Variants in PRKN observed in about 807,000 individuals in gnomAD.
PRKN encodes the protein E3 ubiquitin-protein ligase parkin.
A neutral mutation model predicts 59.5 loss-of-function variants in PRKN; 56 were observed. The observed-to-expected ratio is 0.94, with a 90% CI of 0.76 to 1.18. The LOEUF (loss-of-function observed/expected upper bound fraction) is 1.18, where lower values mean the gene tolerates loss of function less well. PRKN is among the 50% of genes most tolerant of loss of function. The pLI is 0.00. For missense variants in PRKN, 657 were observed against 596.4 expected (o/e 1.10, Z -1.06); for synonymous variants, 250 against 222.1 (o/e 1.13, Z -1.12).
chr6:161,533,234 T>G lies in PRKN; in HGVS notation c.1083+15620A>C, dbSNP rs2115389738. 6.6e-6 allele frequency among the ~76,000 whole-genome samples: 1 copy of G among 152,286 alleles called. No individual in the cohort carries two copies. Among genetic ancestry groups the G allele is most frequent in the African/African-American group, 2.4e-5 (1 of 41,560 alleles). On this transcript the variant is annotated intron_variant, in intron 9 of 11. Transcript: ENST00000366898. The surrounding 1 kb of genome is among the most constrained non-coding windows in gnomAD (Gnocchi z 4.1). ...TACAAAACTAAAATTCTTAAAATAA[T>G]TTCTGAAAAACTAGTGATACAGGAG...
chr6:162,008,608 C>T (rs1782354955), intron 5 of PRKN, among the ~76,000 whole-genome samples: 1 of 152,086 alleles, frequency 6.6e-6, no homozygotes, highest in Admixed American at 6.6e-5. Context: ...CTAAGGGTAT[C>T]ACACCTCAGT....
At chr6:161,594,592 A>G (rs1381721065) in intron 7 of PRKN, among the ~76,000 whole-genome samples, 3 of 152,178 alleles carry the variant, frequency 2.0e-5, no homozygotes, top group Non-Finnish European at 4.4e-5. Flanking sequence ...TTATTATCTC[A>G]TGACATGAGC....
At chr6:162,174,608 A>G (rs1783449562) in intron 4 of PRKN, among the ~76,000 whole-genome samples, 1 of 152,212 alleles carries the variant, frequency 6.6e-6, no homozygotes, top group African/African-American at 2.4e-5. Context: ...ATAATCATTT[A>G]TCCAAATCAC....
chr6:162,201,324 C>T, intron 3 of PRKN, 72 bp from the exon 4 acceptor site: 1 of 1,510,122 alleles, frequency 6.6e-7, no homozygotes, highest in Admixed American at 1.7e-5. Flanking sequence ...TCTTTAAAAG[C>T]TTGTTAGAGG....
intron 11 of PRKN, 24 bp from the exon 12 acceptor site, chr6:161,350,235 TGTG>T (rs1460126873): frequency 6.4e-7 from 1 of 1,557,612 alleles, no homozygotes; most frequent in African/African-American, 1.4e-5. Context: ...AAAACAAAGG[TGTG>T]GTGGGTTCGC....
intron 7 of PRKN, among the ~76,000 whole-genome samples, chr6:161,608,691 C>A (rs1437043507): frequency 6.6e-6 from 1 of 151,874 alleles, no homozygotes; most frequent in Non-Finnish European, 1.5e-5. Context: ...TGCCACCACG[C>A]CCGGCTAATT....
At chr6:161,432,957 T>C (rs1562445400) in intron 9 of PRKN, among the ~76,000 whole-genome samples, 1 of 152,158 alleles carries the variant, frequency 6.6e-6, no homozygotes, top group Non-Finnish European at 1.5e-5. Flanking sequence ...ATAAAACCTT[T>C]ATGGCATACT....
chr6:162,290,691 A>G (rs868540837), intron 2 of PRKN, among the ~76,000 whole-genome samples: 1 of 152,202 alleles, frequency 6.6e-6, no homozygotes, highest in African/African-American at 2.4e-5. Context: ...AAAAAATGAA[A>G]GTACTAATTT....
intron 6 of PRKN, among the ~76,000 whole-genome samples, chr6:161,896,367 C>G (rs1283757477): frequency 6.6e-6 from 1 of 152,164 alleles, no homozygotes; most frequent in East Asian, 1.9e-4. Flanking sequence ...TCTCTGGGTG[C>G]CCTGAGCTCT....
chr6:162,306,791 A>G (rs962883082), intron 2 of PRKN, among the ~76,000 whole-genome samples: 1 of 152,170 alleles, frequency 6.6e-6, no homozygotes, highest in East Asian at 1.9e-4. Flanking sequence ...TCAAATGCCT[A>G]TGGCCAACGA....
chr6:162,326,541 C>T (rs117190995), intron 2 of PRKN, among the ~76,000 whole-genome samples: 4,085 of 152,216 alleles, frequency 0.027, 88 homozygotes, highest in Non-Finnish European at 0.043. Context: ...GGTACTAATA[C>T]TTCAAGAGAT....
At chr6:162,297,293 T>C (rs1213589091) in intron 2 of PRKN, among the ~76,000 whole-genome samples, 1 of 151,956 alleles carries the variant, frequency 6.6e-6, no homozygotes, top group African/African-American at 2.4e-5. Flanking sequence ...TTTTCAACTG[T>C]GGCAGTTTCA....
chr6:162,652,427 C>A (rs921696540), intron 1 of PRKN, among the ~76,000 whole-genome samples: 3 of 152,094 alleles, frequency 2.0e-5, no homozygotes, highest in African/African-American at 7.2e-5. Context: ...TTCTCAGTAC[C>A]ATAGTCTCTA....
intron 6 of PRKN, among the ~76,000 whole-genome samples, chr6:161,867,325 A>G (rs1583270470): frequency 6.6e-6 from 1 of 152,222 alleles, no homozygotes; most frequent in African/African-American, 2.4e-5. Flanking sequence ...TTGTGACAAC[A>G]TTTTATTTAT....
At position 161,362,991 on chromosome 6, in the gene PRKN, C is replaced by G. The variant is rs1260867681; in HGVS notation, c.1168-2786G>C. On this transcript the variant is annotated intron_variant, in intron 10 of 11. Transcript: ENST00000366898. The surrounding 1 kb of genome is among the most constrained non-coding windows in gnomAD (Gnocchi z 5.2). The stretch of plus-strand genomic sequence containing the variant: ...GCATGGTGGCTCACACCTGTAATCC[C>G]AGCACTTTGGGAGGCTGAGGCAGGT... Among the ~76,000 whole-genome samples the G allele has an allele frequency of 6.6e-6, 1 of 152,182 alleles. No homozygotes were observed. The highest frequency in any genetic ancestry group is 2.4e-5 in the African/African-American group (1 of 41,434).
At chr6:161,406,784 G>A (rs1298213654) in intron 9 of PRKN, among the ~76,000 whole-genome samples, 4 of 152,228 alleles carry the variant, frequency 2.6e-5, no homozygotes, top group Non-Finnish European at 5.9e-5. Context: ...GATTCACGCC[G>A]AGTCATGTTC....
At chr6:162,352,006 C>G (rs974667395) in intron 2 of PRKN, among the ~76,000 whole-genome samples, 2 of 152,132 alleles carry the variant, frequency 1.3e-5, no homozygotes, top group East Asian at 3.8e-4. Context: ...CCACCCCCTC[C>G]GGACACCAGA....
chr6:162,117,109 T>A (rs187387124), intron 4 of PRKN, among the ~76,000 whole-genome samples: 1 of 152,082 alleles, frequency 6.6e-6, no homozygotes, highest in Non-Finnish European at 1.5e-5. Flanking sequence ...CACGATGACA[T>A]AAAAACCACT....
chr6:161,704,734 T>C (rs982971170), intron 7 of PRKN, among the ~76,000 whole-genome samples: 4 of 152,172 alleles, frequency 2.6e-5, no homozygotes, highest in Non-Finnish European at 2.9e-5. Flanking sequence ...CTGGTCTGAC[T>C]TCCCGACTGT....
Sources: allele counts gnomAD v4.1 joint callset (sites outside exome capture counted in the v4.1 genomes callset), GRCh38; gene constraint gnomAD v4.1.1; non-coding constraint Gnocchi (gnomAD v3.1); transcripts MANE v1.5; gene names NCBI Gene and HGNC (gene_info 2026-07-23, HGNC 2026-07-21).